Variants in THSD4 observed in about 807,000 individuals in gnomAD.
The protein encoded by THSD4 is thrombospondin type 1 domain containing 4.
Under a neutral mutation model 119.0 loss-of-function variants are expected in THSD4, and 69 were observed. That is an observed-to-expected ratio of 0.58 (90% CI 0.48 to 0.71). THSD4 has a LOEUF of 0.71. THSD4 is among the 30% of genes least tolerant of loss of function. The probability of loss-of-function intolerance (pLI) is 0.00; values close to 1 mark genes in which losing one functional copy is unlikely to be tolerated. For synonymous variants in THSD4, 524 were observed against 540.4 expected, an observed-to-expected ratio of 0.97 and a Z score of 0.42; for missense variants, 1,393 against 1,391.1, an observed-to-expected ratio of 1.00 and a Z score of -0.02.
intron 16 of THSD4, among the ~76,000 whole-genome samples, chr15:71,765,582 T>C (rs1036416005): frequency 2.6e-5 from 4 of 152,124 alleles, no homozygotes; most frequent in Non-Finnish European, 5.9e-5. Context: ...CCATAGAGGA[T>C]TGAGGATTCA....
intron 6 of THSD4, among the ~76,000 whole-genome samples, chr15:71,328,490 A>G (rs189006609): frequency 1.1e-3 from 160 of 152,236 alleles, no homozygotes; most frequent in African/African-American, 3.6e-3. Flanking sequence ...CTGCCATTCA[A>G]TATATATTTA....
chr15:71,770,747 A>T (rs952520498), intron 16 of THSD4, among the ~76,000 whole-genome samples: 9 of 152,268 alleles, frequency 5.9e-5, no homozygotes, highest in African/African-American at 2.2e-4. Flanking sequence ...TGTAATTTCT[A>T]GGGAGAATAA....
chr15:71,553,063 C>T lies in THSD4; in HGVS notation c.1153-107467C>T, dbSNP rs560827760. 2.0e-3 allele frequency among the ~76,000 whole-genome samples: 309 copies of T among 152,320 alleles called. 2 individuals are homozygous for T. The highest frequency in any genetic ancestry group is 0.01 in the Middle Eastern group (3 of 294). On this transcript the variant is annotated intron_variant, in intron 7 of 17. Transcript: ENST00000261862. ...TCCTTCTTCCCTGCCAAGATGAAAT[C>T]GTTGTTAACAATTTAGCATCTGTCC...
chr15:71,556,318 T>C (rs1434182058), intron 7 of THSD4, among the ~76,000 whole-genome samples: 2 of 152,202 alleles, frequency 1.3e-5, no homozygotes, highest in African/African-American at 4.8e-5. Context: ...CATTTTCTAA[T>C]AAAGTTTTAC....
At chr15:71,536,656 T>C (rs1168264925) in intron 7 of THSD4, among the ~76,000 whole-genome samples, 1 of 152,224 alleles carries the variant, frequency 6.6e-6, no homozygotes, top group African/African-American at 2.4e-5. Flanking sequence ...TATGTACACA[T>C]TGTGACTGAG....
intron 14 of THSD4, among the ~76,000 whole-genome samples, chr15:71,750,121 A>G (rs2053420110): frequency 6.6e-6 from 1 of 152,176 alleles, no homozygotes; most frequent in Non-Finnish European, 1.5e-5. Context: ...AAGACAGAGG[A>G]GCCCAGCCAT....
chr15:71,670,099 T>C (rs1026710169), intron 8 of THSD4, among the ~76,000 whole-genome samples: 3 of 152,182 alleles, frequency 2.0e-5, no homozygotes, highest in African/African-American at 7.2e-5. Flanking sequence ...TTTATTATTA[T>C]ACTTTAAGTT....
intron 6 of THSD4, among the ~76,000 whole-genome samples, chr15:71,343,503 A>G (rs1198773276): frequency 6.6e-6 from 1 of 152,040 alleles, no homozygotes; most frequent in Non-Finnish European, 1.5e-5. Flanking sequence ...TCTGAGGGTG[A>G]ATCCTCACTT....
chr15:71,199,573 AGTGT>A (rs780682298), intron 3 of THSD4, among the ~76,000 whole-genome samples: 7 of 47,040 alleles, frequency 1.5e-4, no homozygotes, highest in Non-Finnish European at 2.0e-4. Context: ...GTGTGTGTGT[AGTGT>A]GTGTGTGTGG....
chr15:71,301,585 A>G (rs143709849), intron 6 of THSD4, among the ~76,000 whole-genome samples: 167 of 152,170 alleles, frequency 1.1e-3, no homozygotes, highest in African/African-American at 3.7e-3. Context: ...CCCCTCTAGT[A>G]CTCTGCCTTT....
At position 71,745,026 on chromosome 15, in the gene THSD4, C is replaced by T. The variant is rs1419333646; in HGVS notation, c.1907-80C>T. The stretch of plus-strand genomic sequence containing the variant: ...TCTGTGCCCTCTCTTCATCAGCACC[C>T]GAATCTCTGTGCATCTCCACCCATA... On this transcript the variant is annotated intron_variant, in intron 11 of 17. Transcript: ENST00000261862. 3.0e-5 allele frequency: 46 copies of T among 1,526,910 alleles called. 1 individual carries two copies. The highest frequency in any genetic ancestry group is 4.9e-4 in the Middle Eastern group (2 of 4,118). The allele number at this position is 1,526,910 out of a possible 1,614,324, so 94.6% of individuals were successfully genotyped here. A position where few individuals can be genotyped will look rare whatever the true frequency, so the allele number is the denominator to read the frequency against.
At chr15:71,376,320 C>G (rs1044988926) in intron 6 of THSD4, among the ~76,000 whole-genome samples, 1 of 152,134 alleles carries the variant, frequency 6.6e-6, no homozygotes, top group Non-Finnish European at 1.5e-5. Context: ...TTTTTAGGAC[C>G]CAGCCTCCTT....
chr15:71,649,872 T>G (rs2051049510), intron 7 of THSD4, among the ~76,000 whole-genome samples: 1 of 152,242 alleles, frequency 6.6e-6, no homozygotes, highest in African/African-American at 2.4e-5. Context: ...CTTTCAGTTC[T>G]GTGATAGTTC....
At chr15:71,125,194 A>G (rs2040443344) in intron 1 of THSD4, among the ~76,000 whole-genome samples, 1 of 152,188 alleles carries the variant, frequency 6.6e-6, no homozygotes, top group Non-Finnish European at 1.5e-5. Context: ...TTTATACCCT[A>G]CACTGGTTTA....
chr15:71,775,650 G>A (rs1456352126), intron 17 of THSD4, among the ~76,000 whole-genome samples: 1 of 152,192 alleles, frequency 6.6e-6, no homozygotes, highest in Non-Finnish European at 1.5e-5. Flanking sequence ...GGCAGAGATT[G>A]CAATGAGCTG....
At chr15:71,229,269 C>T (rs1214739296) in intron 4 of THSD4, among the ~76,000 whole-genome samples, 1 of 152,206 alleles carries the variant, frequency 6.6e-6, no homozygotes, top group African/African-American at 2.4e-5. Context: ...AATGGGATTA[C>T]ACACATAATT....
chr15:71,442,691 T>C (rs1252750340), intron 7 of THSD4, among the ~76,000 whole-genome samples: 1 of 116,198 alleles, frequency 8.6e-6, no homozygotes, highest in East Asian at 2.4e-4. Context: ...TATATATATA[T>C]ATATATATAT....
intron 7 of THSD4, among the ~76,000 whole-genome samples, chr15:71,494,661 G>A (rs1467573603): frequency 1.3e-5 from 2 of 152,012 alleles, no homozygotes; most frequent in South Asian, 2.1e-4. Context: ...AAGAAGGGTG[G>A]CTTTATAAAC....
chr15:71,512,821 T>C (rs957797574), intron 7 of THSD4, among the ~76,000 whole-genome samples: 5 of 152,300 alleles, frequency 3.3e-5, no homozygotes, highest in African/African-American at 1.2e-4. Flanking sequence ...GAAACATCCA[T>C]ACGAGAGTAG....
Sources: allele counts gnomAD v4.1 joint callset (sites outside exome capture counted in the v4.1 genomes callset), GRCh38; gene constraint gnomAD v4.1.1; transcripts MANE v1.5; gene names NCBI Gene and HGNC (gene_info 2026-07-23, HGNC 2026-07-21).